The following PTPN20 variants were observed in gnomAD, a reference collection of about 807,000 sequenced individuals.
The protein encoded by PTPN20 is protein tyrosine phosphatase non-receptor type 20.
A neutral mutation model predicts 35.0 loss-of-function variants in PTPN20; 9 were observed. The ratio of observed to expected loss-of-function variants is 0.26; its 90% CI spans 0.15 to 0.45. The LOEUF is 0.45. PTPN20 is among the 20% of genes least tolerant of loss of function. The pLI, the probability that PTPN20 is intolerant of heterozygous loss-of-function variation, is 1.00. For synonymous variants in PTPN20, 32 were observed against 100.2 expected (o/e 0.32, Z 4.06); for missense variants, 111 against 312.5 (o/e 0.36, Z 4.86).
Position 46,989,413 on chromosome 10 carries a change from GT to G in PTPN20, c.1134+1863del, listed in dbSNP as rs1259317316. ...CCACATCTATTAAGATTCTCATATGGTTTTTGTCATTCATTCTGTTGATATA... is the reference window on the plus strand; with the variant it reads ...CCACATCTATTAAGATTCTCATATGGTTTTGTCATTCATTCTGTTGATATA... On this transcript the variant is annotated intron_variant, in intron 9 of 10. Transcript: ENST00000374339. Among the ~76,000 whole-genome samples, 35 of 70,394 alleles carry G rather than the reference GT, an allele frequency of 5.0e-4. 5 individuals carry two copies. Among genetic ancestry groups the G allele is most frequent in the African/African-American group, 2.3e-3 (32 of 13,778 alleles). The allele number at this position is 70,394 out of a possible 152,430, so 46.2% of individuals were successfully genotyped here.
At position 47,001,745 on chromosome 10, in the gene PTPN20, A is replaced by T. The variant is rs990224589; in HGVS notation, c.*1004A>T. On this transcript the variant is annotated 3_prime_UTR_variant, in exon 11 of 11. Transcript: ENST00000374339. ...ATTTAGAAACTGGATTTGGGAACCC[A>T]ATTTTGGAAAACCAGATTCATAGTC... The T allele has an allele frequency of 6.6e-5, 10 of 152,124 alleles. No homozygotes were observed. The highest frequency in any genetic ancestry group is 1.5e-4 in the Non-Finnish European group (10 of 67,992). 9.4% of individuals were successfully genotyped at this position (152,124 alleles called of 1,614,324 possible).
chr10:46,922,927 C>G (rs1229925297), intron 1 of PTPN20, among the ~76,000 whole-genome samples: 3 of 124,376 alleles, frequency 2.4e-5, no homozygotes, highest in Non-Finnish European at 4.8e-5. Context: ...CCAGGCTGGA[C>G]CATACCCAGG....
chr10:46,994,164 A>G (rs1024450346), intron 9 of PTPN20, among the ~76,000 whole-genome samples: 2 of 151,866 alleles, frequency 1.3e-5, no homozygotes, highest in African/African-American at 4.8e-5. Context: ...TTGAGAGTCA[A>G]TTGTCAGATG....
chr10:46,940,687 A>T lies in PTPN20; in HGVS notation c.99A>T (p.Ser33=). The T allele has an allele frequency of 6.2e-7, 1 of 1,611,198 alleles. No homozygotes were observed. The highest frequency in any genetic ancestry group is 8.5e-7 in the Non-Finnish European group (1 of 1,179,722). Residue 33 remains serine, a synonymous_variant, in exon 3 of 11, where the codon TCA becomes TCT. Transcript: ENST00000374339. The part of the protein sequence containing the change: ...EDLNFRETLP[S]SSQENTPRSK... ...TGAATTTCAGGGAGACTTTGCCTTC[A>T]TCAAGTCAGGAAAACACACCTAGAT...
intron 5 of PTPN20, among the ~76,000 whole-genome samples, chr10:46,950,785 TACAC>T (rs1442071842): frequency 6.6e-6 from 1 of 152,058 alleles, no homozygotes; most frequent in East Asian, 1.9e-4. Context: ...TATCTAAGAA[TACAC>T]AAAGATATAA....
At chr10:46,978,959 T>C (rs2054485385) in intron 7 of PTPN20, among the ~76,000 whole-genome samples, 2 of 151,290 alleles carry the variant, frequency 1.3e-5, no homozygotes, top group African/African-American at 4.8e-5. Context: ...GAGTTCTAGG[T>C]CAAGTGAGCA....
chr10:46,954,994 A>T (rs2048032807), intron 5 of PTPN20: 1 of 151,666 alleles, frequency 6.6e-6, no homozygotes, highest in South Asian at 2.1e-4. Flanking sequence ...CATGGCATTT[A>T]TGTTGTATTA....
intron 9 of PTPN20, among the ~76,000 whole-genome samples, chr10:46,988,137 GAT>G: frequency 6.6e-6 from 1 of 152,204 alleles, no homozygotes; most frequent in Non-Finnish European, 1.5e-5. Context: ...CCAGCTAAGA[GAT>G]AGACACAGGA....
At chr10:46,932,212 A>G (rs2039891948) in intron 1 of PTPN20, among the ~76,000 whole-genome samples, 165 bp from the exon 2 acceptor site, 1 of 152,136 alleles carries the variant, frequency 6.6e-6, no homozygotes, top group Admixed American at 6.5e-5. Context: ...TCCAGTTCTC[A>G]AGGAATATCC....
In PTPN20 at chr10:46,995,877, C is replaced by T. The variant is rs868951196; in HGVS notation, c.1135-4035C>T. Among the ~76,000 whole-genome samples the T allele has an allele frequency of 5.3e-4, 81 of 152,118 alleles. 1 individual carries two copies. In the South Asian group the frequency reaches 9.0e-3, roughly 17 times the overall value. On this transcript the variant is annotated intron_variant, in intron 9 of 10. Transcript: ENST00000374339. ...GGAAACCCAATTCTCTTACTGCCTACTTAGAGTTTTTTTCCCATCTCTGTG... is the reference window on the plus strand; with the variant it reads ...GGAAACCCAATTCTCTTACTGCCTATTTAGAGTTTTTTTCCCATCTCTGTG...
intron 1 of PTPN20, among the ~76,000 whole-genome samples, chr10:46,925,432 A>G (rs1331542365): frequency 6.8e-6 from 1 of 147,196 alleles, no homozygotes; most frequent in African/African-American, 2.5e-5. Flanking sequence ...TGTGAGGACC[A>G]CAAAGGAGTG....
At chr10:46,936,603 A>T (rs1427448048) in intron 2 of PTPN20, among the ~76,000 whole-genome samples, 2 of 150,656 alleles carry the variant, frequency 1.3e-5, no homozygotes, top group Non-Finnish European at 1.5e-5. Flanking sequence ...TTTGTGGTTT[A>T]TGGGAGGAGG....
intron 3 of PTPN20, 30 bp downstream of exon 3, chr10:46,940,747 A>C (rs1555134375): frequency 7.8e-6 from 12 of 1,545,780 alleles, no homozygotes; most frequent in South Asian, 4.5e-5. Context: ...GATCTCTACT[A>C]ATTTTGGCTA....
intron 9 of PTPN20, among the ~76,000 whole-genome samples, chr10:46,998,556 G>C (rs370431333): frequency 2.0e-5 from 3 of 152,134 alleles, no homozygotes; most frequent in East Asian, 3.9e-4. Context: ...TCTGTATCTG[G>C]ACTGTGGTTA....
chr10:46,922,574 C>A (rs1488460244), intron 1 of PTPN20, among the ~76,000 whole-genome samples: 1 of 108,718 alleles, frequency 9.2e-6, no homozygotes, highest in African/African-American at 4.8e-5. Context: ...AAAGAGATAA[C>A]TTGAGGAAGG....
chr10:47,000,011 GA>G (rs782214568), intron 10 of PTPN20, 37 bp downstream of exon 10: 1 of 1,612,008 alleles, frequency 6.2e-7, no homozygotes, highest in African/African-American at 1.3e-5. Flanking sequence ...TAAGAATAAT[GA>G]ATATAAAGAT....
At chr10:47,003,556 A>G (rs1390101692), downstream of PTPN20, among the ~76,000 whole-genome samples, 2 of 137,208 alleles carry the variant, frequency 1.5e-5, no homozygotes, top group African/African-American at 5.1e-5. Context: ...TATATCTATT[A>G]GTCTGTCTCT....
intron 5 of PTPN20, among the ~76,000 whole-genome samples, chr10:46,953,341 TTC>T (rs1398645979): frequency 4.3e-5 from 4 of 93,206 alleles, no homozygotes; most frequent in African/African-American, 1.8e-4. Context: ...TTTCTTTTCT[TTC>T]TTTCTTTCTT....
intron 5 of PTPN20, among the ~76,000 whole-genome samples, chr10:46,950,871 C>T (rs2046425736): frequency 1.3e-5 from 2 of 151,810 alleles, no homozygotes; most frequent in African/African-American, 4.9e-5. Context: ...ACCCTGCAAC[C>T]ATAGTTTTTA....
Sources: allele counts gnomAD v4.1 joint callset (sites outside exome capture counted in the v4.1 genomes callset), GRCh38; gene constraint gnomAD v4.1.1; transcripts MANE v1.5; gene names NCBI Gene and HGNC (gene_info 2026-07-23, HGNC 2026-07-21).